SPPL3: variants seen among roughly 807,000 people sequenced by gnomAD.
The protein encoded by SPPL3 is signal peptide peptidase-like 3.
In SPPL3, 5 loss-of-function variants were observed where a neutral mutation model predicts 42.4. That is an observed-to-expected ratio of 0.12 (90% CI 0.06 to 0.25). The LOEUF is 0.25. Among genes scored for constraint, SPPL3 ranks in the 10% least tolerant of loss-of-function variants. The probability of loss-of-function intolerance (pLI) is 1.00; values close to 1 mark genes in which losing one functional copy is unlikely to be tolerated. For missense variants in SPPL3, 235 were observed against 489.0 expected (o/e 0.48, Z 4.90); for synonymous variants, 195 against 181.8 (o/e 1.07, Z -0.58).
At position 120,871,130 on chromosome 12, in the gene SPPL3, C is replaced by CAA. The variant is rs71453512; in HGVS notation, c.23+32713_23+32714dup. On this transcript the variant is annotated intron_variant, in intron 1 of 10. Transcript: ENST00000353487. ...GGGCGACAGAGTGAGACTCCGTCTC[C>CAA]AAAAAAAAAAAAAAAAAAAGAAAAA... Among the ~76,000 whole-genome samples, 29 of 51,698 alleles carry CAA rather than the reference C, an allele frequency of 5.6e-4. 1 individual carries two copies. Among genetic ancestry groups the CAA allele is most frequent in the South Asian group, 2.6e-3 (2 of 782 alleles). The allele number at this position is 51,698 out of a possible 152,430, so 33.9% of individuals were successfully genotyped here. A position where few individuals can be genotyped will look rare whatever the true frequency, so the allele number is the denominator to read the frequency against.
At chr12:120,837,773 C>G (rs567828785) in intron 1 of SPPL3, among the ~76,000 whole-genome samples, 1 of 152,242 alleles carries the variant, frequency 6.6e-6, no homozygotes, top group East Asian at 1.9e-4. Flanking sequence ...GTAAAATAAT[C>G]CTGATTTTTA....
intron 2 of SPPL3, 186 bp from the exon 3 acceptor site, chr12:120,791,743 A>G (rs1352294970): frequency 2.1e-5 from 11 of 524,678 alleles, no homozygotes; most frequent in Non-Finnish European, 2.7e-5. Flanking sequence ...TCAGTTCAAG[A>G]GTTTTCCTGA....
chr12:120,893,343 G>C (rs1472075479), intron 1 of SPPL3, among the ~76,000 whole-genome samples: 1 of 152,054 alleles, frequency 6.6e-6, no homozygotes, highest in Admixed American at 6.6e-5. Context: ...CCAGCTACTT[G>C]GGAGGCTGAG....
At chr12:120,852,928 CTT>C (rs908344827) in intron 1 of SPPL3, among the ~76,000 whole-genome samples, 3 of 133,700 alleles carry the variant, frequency 2.2e-5, no homozygotes, top group African/African-American at 6.0e-5. Flanking sequence ...GATTTTCACT[CTT>C]GTCGCCCAGG....
chr12:120,876,000 T>C (rs1873073691), intron 1 of SPPL3, among the ~76,000 whole-genome samples: 1 of 140,904 alleles, frequency 7.1e-6, no homozygotes, highest in South Asian at 2.4e-4. Flanking sequence ...TGATTAGTGA[T>C]TGGCAAAACA....
intron 2 of SPPL3, among the ~76,000 whole-genome samples, chr12:120,806,045 A>C (rs555814719): frequency 5.1e-4 from 77 of 151,676 alleles, no homozygotes; most frequent in African/African-American, 1.7e-3. Flanking sequence ...TGAACCTAAA[A>C]TTTATATGGA....
At chr12:120,765,128 C>CT (rs1868835726) in intron 10 of SPPL3, 58 bp from the exon 11 acceptor site, 1 of 1,541,608 alleles carries the variant, frequency 6.5e-7, no homozygotes, top group Non-Finnish European at 8.8e-7. Context: ...ACACAGCTGT[C>CT]TGATTCTTTA....
chr12:120,850,078 T>C (rs1439519548), intron 1 of SPPL3, among the ~76,000 whole-genome samples: 1 of 152,144 alleles, frequency 6.6e-6, no homozygotes, highest in African/African-American at 2.4e-5. Context: ...AGTGCAAATA[T>C]AAAACACATT....
chr12:120,897,726 AAAT>A (rs1339115370), intron 1 of SPPL3, among the ~76,000 whole-genome samples: 3 of 152,124 alleles, frequency 2.0e-5, no homozygotes, highest in African/African-American at 7.2e-5. Context: ...CCGTCTCAAA[AAAT>A]AATAATAATA....
At chr12:120,822,336 A>G (rs1221934111) in intron 1 of SPPL3, among the ~76,000 whole-genome samples, 1 of 152,230 alleles carries the variant, frequency 6.6e-6, no homozygotes, top group East Asian at 1.9e-4. Context: ...AACCTCTAAA[A>G]GAACTGGTTT....
In SPPL3 at chr12:120,898,313, TTAA is replaced by T. The variant is rs1183965939; in HGVS notation, c.23+5529_23+5531del. On this transcript the variant is annotated intron_variant, in intron 1 of 10. Coordinates refer to ENST00000353487, the MANE Select transcript of SPPL3 (RefSeq NM_139015.5). Reference sequence around the variant, plus strand: ...AAGACTCTGTTTTTTTTTTTTTTTTTTAAAAAAAAAAAAAAAAAAAAAGATGGG... The same window carrying T: ...AAGACTCTGTTTTTTTTTTTTTTTTTAAAAAAAAAAAAAAAAAAAGATGGG... 7.7e-4 allele frequency among the ~76,000 whole-genome samples: 76 copies of T among 98,710 alleles called. No individual in the cohort carries two copies. The East Asian group carries it at 8.1e-3, about 11-fold the overall frequency. The allele number at this position is 98,710 out of a possible 152,430, so 64.8% of individuals were successfully genotyped here.
At chr12:120,833,754 G>T in intron 1 of SPPL3, among the ~76,000 whole-genome samples, 1 of 137,828 alleles carries the variant, frequency 7.3e-6, no homozygotes. Context: ...AAAAAGAGTT[G>T]TTGAGTTTTA....
chr12:120,902,274 G>A (rs893926921), intron 1 of SPPL3, among the ~76,000 whole-genome samples: 2 of 152,148 alleles, frequency 1.3e-5, no homozygotes, highest in African/African-American at 2.4e-5. Context: ...ATACATCAAT[G>A]AAGTTCTCTT....
intron 1 of SPPL3, among the ~76,000 whole-genome samples, chr12:120,837,911 G>A (rs1871676495): frequency 1.3e-5 from 2 of 152,138 alleles, no homozygotes; most frequent in Admixed American, 6.5e-5. Flanking sequence ...GTGGGCGACT[G>A]TAATCCCAGC....
intron 1 of SPPL3, among the ~76,000 whole-genome samples, chr12:120,829,008 CT>C (rs1871313096): frequency 6.6e-6 from 1 of 152,162 alleles, no homozygotes; most frequent in Non-Finnish European, 1.5e-5. Flanking sequence ...AGTGATCCTC[CT>C]GCCTCAAGCC....
At chr12:120,894,429 T>C (rs1207089951) in intron 1 of SPPL3, among the ~76,000 whole-genome samples, 1 of 152,194 alleles carries the variant, frequency 6.6e-6, no homozygotes, top group Non-Finnish European at 1.5e-5. Context: ...TTAGTCAAGT[T>C]TGGAAGGTCA....
At position 120,879,113 on chromosome 12, in the gene SPPL3, C is replaced by CAAAA. The variant is rs63543261; in HGVS notation, c.23+24728_23+24731dup. 8.6e-4 allele frequency among the ~76,000 whole-genome samples: 56 copies of CAAAA among 64,782 alleles called. 1 individual carries two copies. The highest frequency in any genetic ancestry group is 9.1e-4 in the African/African-American group (20 of 21,866). The allele number at this position is 64,782 out of a possible 152,430, so 42.5% of individuals were successfully genotyped here. A position where few individuals can be genotyped will look rare whatever the true frequency, so the allele number is the denominator to read the frequency against. ...GGGCAACAAGAGCAAAACTCTGTCT[C>CAAAA]AAAAAAAAAAAAAAAAAAAAAAGAA... On this transcript the variant is annotated intron_variant, in intron 1 of 10. Transcript: ENST00000353487.
chr12:120,824,854 T>C (rs1029532935), intron 1 of SPPL3, among the ~76,000 whole-genome samples: 11 of 152,170 alleles, frequency 7.2e-5, no homozygotes, highest in African/African-American at 2.7e-4. Context: ...TTTGACACTG[T>C]TTTTCACACA....
chr12:120,841,439 T>TAC (rs1871829255), intron 1 of SPPL3, among the ~76,000 whole-genome samples: 1 of 152,064 alleles, frequency 6.6e-6, no homozygotes, highest in African/African-American at 2.4e-5. Context: ...TATATATATA[T>TAC]ATATGCACAA....
Sources: allele counts gnomAD v4.1 joint callset (sites outside exome capture counted in the v4.1 genomes callset), GRCh38; gene constraint gnomAD v4.1.1; transcripts MANE v1.5; gene names NCBI Gene and HGNC (gene_info 2026-07-23, HGNC 2026-07-21).